The following MGAT4C variants were observed in gnomAD, a reference collection of about 807,000 sequenced individuals.
MGAT4C encodes MGAT4 family member C, also known as alpha-1,3-mannosyl-glycoprotein 4-beta-N-acetylglucosaminyltransferase C.
In MGAT4C, 19 loss-of-function variants were observed where a neutral mutation model predicts 40.1. That is an observed-to-expected ratio of 0.47 (90% CI 0.33 to 0.70). MGAT4C has a LOEUF of 0.70. Among genes scored for constraint, MGAT4C ranks in the 30% least tolerant of loss-of-function variants. The pLI, the probability that MGAT4C is intolerant of heterozygous loss-of-function variation, is 0.02. For missense variants in MGAT4C, 491 were observed against 563.2 expected, an observed-to-expected ratio of 0.87 and a Z score of 1.30; for synonymous variants, 181 against 187.1, an observed-to-expected ratio of 0.97 and a Z score of 0.27.
intron 2 of MGAT4C, among the ~76,000 whole-genome samples, chr12:86,478,622 A>G (rs1385682679): frequency 6.6e-6 from 1 of 152,156 alleles, no homozygotes; most frequent in Admixed American, 6.6e-5. Flanking sequence ...TATCTAAGTC[A>G]GTTCCCCACT....
At chr12:86,107,036 C>CT (rs1173099824) in intron 1 of MGAT4C, among the ~76,000 whole-genome samples, 1 of 152,026 alleles carries the variant, frequency 6.6e-6, no homozygotes, top group African/African-American at 2.4e-5. Flanking sequence ...TCAAGATTCA[C>CT]TTTTGTGGAT....
chr12:86,451,032 A>G (rs1957418203), intron 2 of MGAT4C, among the ~76,000 whole-genome samples: 1 of 152,026 alleles, frequency 6.6e-6, no homozygotes, highest in Non-Finnish European at 1.5e-5. Flanking sequence ...TTTGAAGGTG[A>G]TGTGGTTTGG....
At chr12:86,589,980 A>G (rs915701620) in intron 2 of MGAT4C, among the ~76,000 whole-genome samples, 3 of 152,014 alleles carry the variant, frequency 2.0e-5, no homozygotes, top group African/African-American at 7.2e-5. Context: ...TGTAAACATT[A>G]TTGTAGAGAA....
chr12:86,640,189 A>G (rs1482007821), intron 2 of MGAT4C, among the ~76,000 whole-genome samples: 1 of 151,776 alleles, frequency 6.6e-6, no homozygotes, highest in South Asian at 2.1e-4. Flanking sequence ...AATTAAAAAG[A>G]TAGCTTTACC....
intron 2 of MGAT4C, among the ~76,000 whole-genome samples, chr12:86,609,190 T>C (rs955281000): frequency 2.0e-5 from 3 of 152,056 alleles, no homozygotes; most frequent in Non-Finnish European, 4.4e-5. Context: ...ACATGCAAAA[T>C]TATTGGGAAA....
intron 1 of MGAT4C, among the ~76,000 whole-genome samples, chr12:86,770,686 T>A (rs981240603): frequency 3.9e-5 from 6 of 152,086 alleles, no homozygotes; most frequent in African/African-American, 1.2e-4. Context: ...AACTTATGTA[T>A]GAATTCTTTC....
upstream of MGAT4C, chr12:86,838,882 T>A (rs982610367): frequency 6.6e-6 from 1 of 152,240 alleles, no homozygotes. Context: ...CTGGTGTTCC[T>A]GTGTGCATAG....
chr12:86,675,553 A>G (rs927343521), intron 2 of MGAT4C, among the ~76,000 whole-genome samples: 3 of 152,196 alleles, frequency 2.0e-5, no homozygotes, highest in African/African-American at 7.2e-5. Context: ...TGAGGTTGCT[A>G]TACCAGACCA....
intron 2 of MGAT4C, among the ~76,000 whole-genome samples, chr12:85,995,457 C>T (rs935524893): frequency 4.6e-5 from 7 of 151,994 alleles, no homozygotes; most frequent in Non-Finnish European, 1.0e-4. Context: ...AAGTAGTAGG[C>T]CAAACAGTTC....
At chr12:86,320,936 T>A (rs766505742) in intron 4 of MGAT4C, among the ~76,000 whole-genome samples, 4 of 152,088 alleles carry the variant, frequency 2.6e-5, no homozygotes, top group Non-Finnish European at 4.4e-5. Context: ...ACCAACTATA[T>A]AATTTGCACT....
At chr12:85,996,216 T>C (rs139723474) in intron 2 of MGAT4C, among the ~76,000 whole-genome samples, 311 of 152,312 alleles carry the variant, frequency 2.0e-3, no homozygotes, top group African/African-American at 7.2e-3. Context: ...TTAAAAAGGC[T>C]ATCATAAATA....
At chr12:86,217,426 T>G (rs1287637265) in intron 1 of MGAT4C, among the ~76,000 whole-genome samples, 3 of 152,182 alleles carry the variant, frequency 2.0e-5, no homozygotes, top group Non-Finnish European at 4.4e-5. Context: ...TCCACCCGCC[T>G]CGACCTCCCA....
At chr12:86,180,444 C>T (rs1593162468) in intron 1 of MGAT4C, among the ~76,000 whole-genome samples, 1 of 152,120 alleles carries the variant, frequency 6.6e-6, no homozygotes, top group African/African-American at 2.4e-5. Context: ...GTGGTAGATA[C>T]ACAGACAGCT....
At chr12:86,329,571 C>T (rs971061167) in intron 4 of MGAT4C, among the ~76,000 whole-genome samples, 5 of 152,074 alleles carry the variant, frequency 3.3e-5, no homozygotes, top group South Asian at 4.1e-4. Context: ...GCCAAGAATC[C>T]CTCAGTTTTC....
rs921925199 is a variant in MGAT4C at position 85,960,046 on chromosome 12, T to C, written c.*19243A>G. Reference sequence around the variant, plus strand: ...AAATGCAATTCGGTATTAAAGAAAATTGTTGCACGGACTACATTGATTAGA... The same window carrying C: ...AAATGCAATTCGGTATTAAAGAAAACTGTTGCACGGACTACATTGATTAGA... On this transcript the variant is annotated 3_prime_UTR_variant, in exon 5 of 5. Coordinates refer to ENST00000611864, the MANE Select transcript of MGAT4C (RefSeq NM_001351288.2). The C allele has an allele frequency of 6.6e-6, 1 of 151,848 alleles. No individual in the cohort carries two copies. Among genetic ancestry groups the C allele is most frequent in the South Asian group, 2.1e-4 (1 of 4,822 alleles). The allele number at this position is 151,848 out of a possible 1,614,324, so 9.4% of individuals were successfully genotyped here. A position where few individuals can be genotyped will look rare whatever the true frequency, so the allele number is the denominator to read the frequency against.
At chr12:86,449,133 G>C (rs1957384526) in intron 2 of MGAT4C, among the ~76,000 whole-genome samples, 1 of 152,098 alleles carries the variant, frequency 6.6e-6, no homozygotes, top group Admixed American at 6.6e-5. Flanking sequence ...AAAACGTTTA[G>C]GTGGTATGTA....
intron 2 of MGAT4C, among the ~76,000 whole-genome samples, chr12:86,499,233 A>C (rs2406160): frequency 0.67 from 100,931 of 151,410 alleles, 34,425 homozygotes; most frequent in South Asian, 0.8. Context: ...GACTGTACAG[A>C]AGTTGGGGAT....
intron 1 of MGAT4C, among the ~76,000 whole-genome samples, chr12:86,167,823 CA>C: frequency 6.6e-6 from 1 of 152,302 alleles, no homozygotes; most frequent in Non-Finnish European, 1.5e-5. Flanking sequence ...AGGACCCATT[CA>C]AACCACAGCA....
chr12:86,566,566 A>ATGTATG (rs1565853531), intron 2 of MGAT4C, among the ~76,000 whole-genome samples: 1 of 122,954 alleles, frequency 8.1e-6, no homozygotes, highest in East Asian at 2.4e-4. Context: ...ATATATATAT[A>ATGTATG]TATATATATG....
Sources: gnomAD v4.1 joint callset for allele counts (sites outside exome capture counted in the v4.1 genomes callset) on GRCh38, gnomAD v4.1.1 for gene constraint, MANE v1.5 for transcripts, NCBI Gene and HGNC (gene_info 2026-07-23, HGNC 2026-07-21) for gene names.